Variants in CERS6 observed in about 807,000 individuals in gnomAD.
The protein encoded by CERS6 is ceramide synthase 6.
Under a neutral mutation model 56.8 loss-of-function variants are expected in CERS6, and 26 were observed. That is an observed-to-expected ratio of 0.46 (90% CI 0.34 to 0.63). CERS6 has a LOEUF of 0.63. Among genes scored for constraint, CERS6 ranks in the 30% least tolerant of loss-of-function variants. The pLI is 0.01. For synonymous variants in CERS6, 164 were observed against 173.3 expected, an observed-to-expected ratio of 0.95 and a Z score of 0.42; for missense variants, 415 against 467.5, an observed-to-expected ratio of 0.89 and a Z score of 1.04.
At chr2:168,679,836 TG>T (rs974645922) in intron 4 of CERS6, among the ~76,000 whole-genome samples, 1 of 152,226 alleles carries the variant, frequency 6.6e-6, no homozygotes, top group Non-Finnish European at 1.5e-5. Context: ...GTTTACTCTT[TG>T]GTTACTTGCC....
At chr2:168,658,579 C>T (rs1685551438) in intron 4 of CERS6, among the ~76,000 whole-genome samples, 1 of 152,194 alleles carries the variant, frequency 6.6e-6, no homozygotes, top group African/African-American at 2.4e-5. Context: ...TGCTTGATGA[C>T]CGAGTAAAGC....
At chr2:168,500,758 G>A (rs753418704) in intron 1 of CERS6, among the ~76,000 whole-genome samples, 12 of 152,186 alleles carry the variant, frequency 7.9e-5, no homozygotes, top group Admixed American at 2.0e-4. Flanking sequence ...AAGTAAAAGA[G>A]CACCTGACTT....
At chr2:168,738,072 A>G (rs1683769854) in intron 8 of CERS6, among the ~76,000 whole-genome samples, 1 of 152,178 alleles carries the variant, frequency 6.6e-6, no homozygotes, top group East Asian at 1.9e-4. Flanking sequence ...TTGTTATTCT[A>G]TTTTCTATTT....
rs113069181 is a variant in CERS6, at chr2:168,698,335, G to A, written c.609+3284G>A. 6.4e-4 allele frequency among the ~76,000 whole-genome samples: 97 copies of A among 150,932 alleles called. 1 individual carries two copies. The highest frequency in any genetic ancestry group is 2.3e-3 in the African/African-American group (94 of 41,014). On this transcript the variant is annotated intron_variant, in intron 6 of 9. Transcript: ENST00000305747. ...GAGGTTTGAGGTTTAATTGGCTCAC[G>A]GTTCCATAGGCTGTGCAGGAAGCAT...
intron 1 of CERS6, among the ~76,000 whole-genome samples, chr2:168,536,331 T>C (rs778444782): frequency 1.1e-4 from 17 of 152,172 alleles, no homozygotes; most frequent in Admixed American, 1.3e-4. Flanking sequence ...AGAACAACAA[T>C]ATAATATGAA....
intron 3 of CERS6, among the ~76,000 whole-genome samples, chr2:168,625,560 G>T (rs1559025619): frequency 1.3e-5 from 2 of 152,190 alleles, no homozygotes; most frequent in Admixed American, 6.5e-5. Flanking sequence ...ATAAAACTCA[G>T]TCTTACTCTA....
chr2:168,734,905 TA>T (rs1252160996), intron 8 of CERS6, among the ~76,000 whole-genome samples: 1 of 152,172 alleles, frequency 6.6e-6, no homozygotes, highest in East Asian at 1.9e-4. Flanking sequence ...ATTGTTGACT[TA>T]AAAAAACTCT....
intron 8 of CERS6, among the ~76,000 whole-genome samples, chr2:168,741,049 G>T (rs1304293677): frequency 1.3e-5 from 2 of 152,146 alleles, no homozygotes; most frequent in African/African-American, 4.8e-5. Flanking sequence ...ACTCAGTGAG[G>T]GCTGAAGCCA....
intron 3 of CERS6, among the ~76,000 whole-genome samples, chr2:168,563,262 C>T (rs755361781): frequency 4.6e-5 from 7 of 152,166 alleles, no homozygotes; most frequent in Non-Finnish European, 7.3e-5. Context: ...GTGTCTATCT[C>T]TTCTCCATGA....
At chr2:168,604,754 C>G (rs551166833) in intron 3 of CERS6, among the ~76,000 whole-genome samples, 1 of 152,276 alleles carries the variant, frequency 6.6e-6, no homozygotes, top group Admixed American at 6.5e-5. Flanking sequence ...CCTTTGCCTT[C>G]TGCCATGATA....
chr2:168,587,474 C>T (rs1303500066), intron 3 of CERS6, among the ~76,000 whole-genome samples: 1 of 152,180 alleles, frequency 6.6e-6, no homozygotes, highest in Non-Finnish European at 1.5e-5. Flanking sequence ...AAGCGCAGAG[C>T]AGTGCTGCTC....
At chr2:168,459,808 G>A (rs147635190) in intron 1 of CERS6, among the ~76,000 whole-genome samples, 119 of 152,222 alleles carry the variant, frequency 7.8e-4, no homozygotes, top group African/African-American at 2.8e-3. Context: ...CCATTCTCAG[G>A]AACTATAATA....
chr2:168,707,366 A>G (rs1168573751), intron 6 of CERS6, among the ~76,000 whole-genome samples: 4 of 152,194 alleles, frequency 2.6e-5, no homozygotes, highest in African/African-American at 4.8e-5. Context: ...TCACAGACTG[A>G]ATTTTGGAGA....
intron 3 of CERS6, among the ~76,000 whole-genome samples, chr2:168,569,530 C>T (rs371740494): frequency 1.9e-4 from 29 of 152,240 alleles, no homozygotes; most frequent in East Asian, 1.4e-3. Context: ...TGTGTGTGTG[C>T]GCGTGCACAC....
chr2:168,604,377 G>C (rs139207146), intron 3 of CERS6, among the ~76,000 whole-genome samples: 1 of 106,074 alleles, frequency 9.4e-6, no homozygotes, highest in Non-Finnish European at 1.9e-5. Flanking sequence ...GATTGAAGTT[G>C]AGCAGTTGTA....
At chr2:168,638,718 G>C (rs1684920013) in intron 4 of CERS6, among the ~76,000 whole-genome samples, 1 of 152,126 alleles carries the variant, frequency 6.6e-6, no homozygotes, top group Non-Finnish European at 1.5e-5. Context: ...AAAATTTTCT[G>C]TAAAGAGCAT....
intron 4 of CERS6, among the ~76,000 whole-genome samples, chr2:168,659,345 C>G (rs543205851): frequency 2.0e-5 from 3 of 152,296 alleles, no homozygotes; most frequent in South Asian, 2.1e-4. Context: ...TTTTCTCTCC[C>G]TCACACGATT....
At chr2:168,642,018 G>A (rs1685064495) in intron 4 of CERS6, among the ~76,000 whole-genome samples, 2 of 152,000 alleles carry the variant, frequency 1.3e-5, no homozygotes, top group African/African-American at 2.4e-5. Flanking sequence ...ATTATCTCTT[G>A]TTACCCCATT....
chr2:168,648,205 T>G (rs1461976923), intron 4 of CERS6, among the ~76,000 whole-genome samples: 1 of 152,154 alleles, frequency 6.6e-6, no homozygotes, highest in Non-Finnish European at 1.5e-5. Flanking sequence ...AGCTCGTTAC[T>G]GGTCTGTTCA....
Sources: gnomAD v4.1 joint callset for allele counts (sites outside exome capture counted in the v4.1 genomes callset) on GRCh38, gnomAD v4.1.1 for gene constraint, MANE v1.5 for transcripts, NCBI Gene and HGNC (gene_info 2026-07-23, HGNC 2026-07-21) for gene names.